The following SCYL1 variants were observed in gnomAD, a reference collection of about 807,000 sequenced individuals.
SCYL1 encodes the protein N-terminal kinase-like protein.
Under a neutral mutation model 94.8 loss-of-function variants are expected in SCYL1, and 85 were observed. That is an observed-to-expected ratio of 0.90 (90% CI 0.75 to 1.07). SCYL1 has a LOEUF of 1.07. Ranked by LOEUF, SCYL1 falls within the 50% of genes least tolerant of loss-of-function variation. The pLI, the probability that SCYL1 is intolerant of heterozygous loss-of-function variation, is 0.00. For synonymous variants in SCYL1, 459 were observed against 435.5 expected, an observed-to-expected ratio of 1.05 and a Z score of -0.67; for missense variants, 968 against 1,083.3, an observed-to-expected ratio of 0.89 and a Z score of 1.49.
chr11:65,538,417 C>A (rs1198993809), intron 17 of SCYL1, 25 bp from the exon 18 acceptor site: 2 of 1,543,050 alleles, frequency 1.3e-6, no homozygotes, highest in East Asian at 2.5e-5. Flanking sequence ...AGAGCTGAGA[C>A]CGGGGCTCCC....
At chr11:65,530,490 G>A (rs948485807) in intron 6 of SCYL1, 139 bp from the exon 7 acceptor site, 2 of 870,254 alleles carry the variant, frequency 2.3e-6, no homozygotes, top group East Asian at 2.7e-5. Flanking sequence ...AAGTGGGACA[G>A]TTGGGCTTTG....
At position 65,536,299 on chromosome 11, in the gene SCYL1, C is replaced by T. The variant is rs888118452; in HGVS notation, c.1616C>T (p.Ser539Phe). ...AIRSFLSKLESVSEDPTQLEE... is the reference protein window; with the variant it reads ...AIRSFLSKLEFVSEDPTQLEE... ...CGGAGCTTCCTGTCCAAATTGGAGT[C>T]TGTGTCGGAGGACCCGACCCAGCTG... is the stretch of plus-strand genomic sequence containing the variant. The change falls in exon 12 of 18, where the codon TCT becomes TTT. Residue 539 changes from serine to phenylalanine, a missense_variant. Physicochemically the swap from Ser to Phe is radical, Grantham distance 155 (BLOSUM62 -2). Around this residue, in one of 2 missense-constraint regions of SCYL1, gnomAD observed 474 missense variants for 463.6 expected, o/e 1.02. Coordinates refer to ENST00000270176, the MANE Select transcript of SCYL1 (RefSeq NM_020680.4). 1 of 1,614,194 alleles carries T rather than the reference C, an allele frequency of 6.2e-7. No individual in the cohort carries two copies. Among genetic ancestry groups the T allele is most frequent in the African/African-American group, 1.3e-5 (1 of 75,048 alleles).
chr11:65,538,638 G>A lies in SCYL1; in HGVS notation c.*72G>A, dbSNP rs1435691328. ...TGTATTTATTGTACAAACCATGTGA[G>A]CCCGGCCGGCCCAGCCAGGCCATCT... On this transcript the variant is annotated 3_prime_UTR_variant, in exon 18 of 18. Transcript: ENST00000270176. The A allele has an allele frequency of 2.7e-6, 4 of 1,505,364 alleles. No homozygotes were observed. The highest frequency in any genetic ancestry group is 3.6e-6 in the Non-Finnish European group (4 of 1,121,584). 93.3% of individuals were successfully genotyped at this position (1,505,364 alleles called of 1,614,324 possible).
rs371045520 is a variant in SCYL1, at chr11:65,537,854, G to C, written c.2005G>C (p.Gly669Arg). The change falls in exon 15 of 18, where the codon GGG becomes CGG. Residue 669 changes from glycine to arginine, a missense_variant. Physicochemically the swap from Gly to Arg is moderately radical, Grantham distance 125 (BLOSUM62 -2). Coordinates refer to ENST00000270176, the MANE Select transcript of SCYL1 (RefSeq NM_020680.4). ...GGCCCAGCAGGACGACTGGAGCACC[G>C]GGGGCCAAGTGAGCCGTGCTAGTCA... ...VLAQQDDWST[G>R]GQVSRASQVS... 4 of 1,575,360 alleles carry C rather than the reference G, an allele frequency of 2.5e-6. No homozygotes were observed. The South Asian group carries it at 3.5e-5, about 14-fold the overall frequency.
At position 65,538,300 on chromosome 11, in the gene SCYL1, T is replaced by C; in HGVS notation, c.2278T>C (p.Trp760Arg). The C allele has an allele frequency of 2.6e-6, 4 of 1,551,544 alleles. No individual in the cohort carries two copies. Reference sequence around the variant, plus strand: ...GCCAGACTCTTGGGGTGAGGACAACTGGGAGGGCCTCGAGACTGACAGTCG... The same window carrying C: ...GCCAGACTCTTGGGGTGAGGACAACCGGGAGGGCCTCGAGACTGACAGTCG... ...PRPDSWGEDN[W>R]EGLETDSRQV... Residue 760 changes from tryptophan to arginine, a missense_variant, in exon 17 of 18, where the codon TGG (tryptophan) becomes CGG (arginine). By Grantham distance (101) the Trp-to-Arg change is moderately radical. Coordinates refer to ENST00000270176, the MANE Select transcript of SCYL1 (RefSeq NM_020680.4).
intron 2 of SCYL1, 94 bp from the exon 3 acceptor site, chr11:65,525,827 G>A (rs1013877697): frequency 5.7e-6 from 9 of 1,579,244 alleles, no homozygotes; most frequent in African/African-American, 1.3e-5. Flanking sequence ...CCCAGATTTG[G>A]TTTCCTCTTC....
intron 14 of SCYL1, 40 bp downstream of exon 14, chr11:65,537,168 T>G (rs760289844): frequency 6.2e-7 from 1 of 1,611,150 alleles, no homozygotes; most frequent in South Asian, 1.1e-5. Context: ...GGACCCCAGC[T>G]CAAATCCACA....
At chr11:65,529,021 C>T (rs925437910) in intron 6 of SCYL1, among the ~76,000 whole-genome samples, 24 of 152,144 alleles carry the variant, frequency 1.6e-4, no homozygotes, top group African/African-American at 5.8e-4. Flanking sequence ...CACTGGCCTG[C>T]AGGGTTGCTG....
chr11:65,525,774 G>C (rs1855043684), intron 2 of SCYL1, 60 bp downstream of exon 2: 1 of 1,601,316 alleles, frequency 6.2e-7, no homozygotes, highest in Non-Finnish European at 8.5e-7. Flanking sequence ...ACCCACTCCT[G>C]TCTCCCCTCC....
In SCYL1 at chr11:65,526,537, A is replaced by G. The variant is rs1248624671; in HGVS notation, c.602+187A>G. On this transcript the variant is annotated intron_variant, in intron 4 of 17. Transcript: ENST00000270176. This position sits in a 1 kb window ranked among gnomAD's most constrained non-coding sequence, Gnocchi z 4.1. ...CAGGGCGGTAGGGCGGGATGGACAC[A>G]GCATTCGGGGTTGGGTGATTCTGAA... is the stretch of plus-strand genomic sequence containing the variant. Among the ~76,000 whole-genome samples, 1 of 152,196 alleles carries G rather than the reference A, an allele frequency of 6.6e-6. No homozygotes were observed. Among genetic ancestry groups the G allele is most frequent in the South Asian group, 2.1e-4 (1 of 4,834 alleles).
At position 65,531,699 on chromosome 11, in the gene SCYL1, C is replaced by T. The variant is rs762474478; in HGVS notation, c.1116+16C>T. 1.3e-5 allele frequency: 20 copies of T among 1,592,516 alleles called. No homozygotes were observed. The highest frequency in any genetic ancestry group is 2.2e-5 in the South Asian group (2 of 90,646). ...CCTGCAGCAGGTGAGGCCTCTGTAC[C>T]AGACTCTGTGGTGGTCCACCCAGAC... On this transcript the variant is annotated intron_variant, in intron 8 of 17. Transcript: ENST00000270176.
At chr11:65,531,042 G>A (rs1367023671) in intron 7 of SCYL1, among the ~76,000 whole-genome samples, 1 of 152,096 alleles carries the variant, frequency 6.6e-6, no homozygotes, top group Non-Finnish European at 1.5e-5. Context: ...TCTGACCTGT[G>A]CACCTTGGTT....
chr11:65,529,282 T>G (rs1184048501), intron 6 of SCYL1, among the ~76,000 whole-genome samples: 3 of 152,106 alleles, frequency 2.0e-5, no homozygotes, highest in Non-Finnish European at 4.4e-5. Context: ...CTGGGCAGTG[T>G]CGGGGCAGCA....
intron 8 of SCYL1, among the ~76,000 whole-genome samples, chr11:65,532,001 T>C (rs1266219015): frequency 6.6e-6 from 1 of 152,196 alleles, no homozygotes; most frequent in Admixed American, 6.5e-5. Context: ...TCAGACAAGA[T>C]GGATGGGATC....
chr11:65,528,346 G>T (rs1855195490), intron 6 of SCYL1, among the ~76,000 whole-genome samples: 1 of 152,184 alleles, frequency 6.6e-6, no homozygotes, highest in Non-Finnish European at 1.5e-5. Context: ...GAAGGCTGGG[G>T]CAGGAAAATC....
chr11:65,531,067 G>A (rs960716524), intron 7 of SCYL1, among the ~76,000 whole-genome samples: 2 of 152,052 alleles, frequency 1.3e-5, no homozygotes, highest in Non-Finnish European at 2.9e-5. Flanking sequence ...GGGCCCAGGG[G>A]ATTACCTACT....
rs749493894 is a variant in SCYL1 at position 65,538,465 on chromosome 11, C to T, written c.2326C>T (p.Arg776Trp). The T allele has an allele frequency of 1.6e-5, 25 of 1,573,516 alleles. No individual in the cohort carries two copies. Among genetic ancestry groups the T allele is most frequent in the Non-Finnish European group, 2.0e-5 (23 of 1,161,838 alleles). Residue 776 changes from arginine to tryptophan, a missense_variant, in exon 18 of 18, where the codon CGG becomes TGG. Around this residue, in one of 2 missense-constraint regions of SCYL1, gnomAD observed 474 missense variants for 463.6 expected, o/e 1.02. Coordinates refer to ENST00000270176, the MANE Select transcript of SCYL1 (RefSeq NM_020680.4). ...AGGACAGGTCAAGGCTGAGCTGGCC[C>T]GGAAGAAGCGCGAGGAGCGGCGGCG... is the stretch of plus-strand genomic sequence containing the variant. ...DSRQVKAELA[R>W]KKREERRREM...
chr11:65,538,352 G>A (rs1259291815), intron 17 of SCYL1, 28 bp downstream of exon 17: 3 of 1,541,722 alleles, frequency 1.9e-6, no homozygotes, highest in African/African-American at 2.7e-5. Flanking sequence ...GTGGGCTGAA[G>A]ACTAGGGCTC....
chr11:65,535,070 T>C, intron 9 of SCYL1, 157 bp from the exon 10 acceptor site: 2 of 882,602 alleles, frequency 2.3e-6, no homozygotes, highest in East Asian at 5.3e-5. Context: ...ATGGGGTCCC[T>C]TTCTTCAACA....
Sources: allele counts gnomAD v4.1 joint callset (sites outside exome capture counted in the v4.1 genomes callset), GRCh38; gene constraint gnomAD v4.1.1; regional missense constraint gnomAD v4.1.1; non-coding constraint Gnocchi (gnomAD v3.1); transcripts MANE v1.5; gene names NCBI Gene and HGNC (gene_info 2026-07-23, HGNC 2026-07-21).